TMEM132C: variants seen among roughly 807,000 people sequenced by gnomAD.
TMEM132C encodes the protein transmembrane protein 132C.
In TMEM132C, 29 loss-of-function variants were observed where a neutral mutation model predicts 61.4. The observed-to-expected ratio is 0.47, with a 90% CI of 0.35 to 0.64. TMEM132C has a LOEUF of 0.64. Ranked by LOEUF, TMEM132C falls within the 30% of genes least tolerant of loss-of-function variation. TMEM132C has a pLI of 0.00. For missense variants in TMEM132C, 1,408 were observed against 1,476.9 expected (o/e 0.95, Z 0.76); for synonymous variants, 656 against 633.1 (o/e 1.04, Z -0.54).
intron 1 of TMEM132C, among the ~76,000 whole-genome samples, chr12:128,320,134 GT>G (rs1872283849): frequency 1.3e-5 from 2 of 152,106 alleles, no homozygotes; most frequent in Non-Finnish European, 2.9e-5. Flanking sequence ...TCTGTAGGTG[GT>G]TTTTTTCTAA....
intron 2 of TMEM132C, among the ~76,000 whole-genome samples, chr12:128,457,547 G>A (rs183219232): frequency 0.037 from 5,544 of 150,312 alleles, 339 homozygotes; most frequent in African/African-American, 0.13. Context: ...CTGCACTCCA[G>A]CCTGGGTGAC....
At chr12:128,533,336 G>A (rs1873399493) in intron 2 of TMEM132C, among the ~76,000 whole-genome samples, 1 of 152,168 alleles carries the variant, frequency 6.6e-6, no homozygotes, top group Non-Finnish European at 1.5e-5. Context: ...TGAGGGCCAG[G>A]CCAGGGGTGG....
At chr12:128,477,048 A>T (rs1254322553) in intron 2 of TMEM132C, among the ~76,000 whole-genome samples, 4 of 152,154 alleles carry the variant, frequency 2.6e-5, no homozygotes, top group Admixed American at 2.6e-4. Context: ...GTGACTTGAC[A>T]TATTAGTTAG....
chr12:128,564,873 C>T lies in TMEM132C; in HGVS notation c.1121+20770C>T, dbSNP rs1156873. On this transcript the variant is annotated intron_variant, in intron 3 of 8. Coordinates refer to ENST00000435159, the MANE Select transcript of TMEM132C (RefSeq NM_001136103.3). ...GCTTCTGACATGGTCTCCAGGGATC[C>T]CCCCTTCCTGGTAGTCATGCCTTTA... Among the ~76,000 whole-genome samples, 19 of 152,234 alleles carry T rather than the reference C, an allele frequency of 1.2e-4. No individual in the cohort carries two copies. The South Asian group carries it at 3.5e-3, about 28-fold the overall frequency.
intron 3 of TMEM132C, among the ~76,000 whole-genome samples, chr12:128,577,240 G>T (rs1875145457): frequency 6.6e-6 from 1 of 152,206 alleles, no homozygotes; most frequent in Admixed American, 6.5e-5. Flanking sequence ...TTATTCATAT[G>T]ATAGCATGTA....
At chr12:128,469,995 T>C (rs1490430344) in intron 2 of TMEM132C, among the ~76,000 whole-genome samples, 2 of 152,212 alleles carry the variant, frequency 1.3e-5, no homozygotes, top group Non-Finnish European at 2.9e-5. Flanking sequence ...TGCTTTATGT[T>C]ACAAACTGAT....
At chr12:128,521,667 C>G (rs1267881090) in intron 2 of TMEM132C, among the ~76,000 whole-genome samples, 2 of 152,058 alleles carry the variant, frequency 1.3e-5, no homozygotes, top group African/African-American at 2.4e-5. Flanking sequence ...ATCTACTCTA[C>G]CAGATTACTG....
At chr12:128,420,433 T>A (rs1330022547) in intron 2 of TMEM132C, among the ~76,000 whole-genome samples, 2 of 151,976 alleles carry the variant, frequency 1.3e-5, no homozygotes, top group Non-Finnish European at 2.9e-5. Context: ...AGGAGACAAA[T>A]GTGGCTGAAA....
chr12:128,686,058 T>TGC (rs1555243282), intron 5 of TMEM132C, among the ~76,000 whole-genome samples: 1 of 127,216 alleles, frequency 7.9e-6, no homozygotes, highest in East Asian at 2.4e-4. Context: ...TGTGCATGTG[T>TGC]GTGTGTGCAT....
At chr12:128,547,024 C>CA (rs1873975109) in intron 3 of TMEM132C, among the ~76,000 whole-genome samples, 1 of 152,152 alleles carries the variant, frequency 6.6e-6, no homozygotes, top group Admixed American at 6.5e-5. Flanking sequence ...CCAAGATTCC[C>CA]AGGGCGGGGA....
At chr12:128,689,397 GA>G (rs1405974657) in intron 5 of TMEM132C, among the ~76,000 whole-genome samples, 22 of 152,104 alleles carry the variant, frequency 1.4e-4, no homozygotes, top group African/African-American at 5.3e-4. Context: ...CAAAGAAAAA[GA>G]AAGAAAATGA....
intron 4 of TMEM132C, among the ~76,000 whole-genome samples, chr12:128,642,225 G>A (rs529915843): frequency 2.4e-4 from 36 of 151,720 alleles, no homozygotes; most frequent in African/African-American, 8.5e-4. Flanking sequence ...TCCACCTCTC[G>A]GGTTCAAGTG....
chr12:128,388,424 C>T (rs1456684067), intron 1 of TMEM132C, among the ~76,000 whole-genome samples: 1 of 152,276 alleles, frequency 6.6e-6, no homozygotes, highest in Non-Finnish European at 1.5e-5. Flanking sequence ...ATCTTCCCTC[C>T]CTCTCTTCTT....
Position 128,495,098 on chromosome 12 carries a change from G to A in TMEM132C, c.975-48859G>A, listed in dbSNP as rs1384373521. Among the ~76,000 whole-genome samples, 7 of 144,324 alleles carry A rather than the reference G, an allele frequency of 4.9e-5. 1 individual carries two copies. Among genetic ancestry groups the A allele is most frequent in the Non-Finnish European group, 7.6e-5 (5 of 65,516 alleles). 94.7% of individuals were successfully genotyped at this position (144,324 alleles called of 152,430 possible). ...TTTATTTCTGCCTTCATTTCGTTAT[G>A]TACCCAGTAGTCATTCAGGAGCAGG... On this transcript the variant is annotated intron_variant, in intron 2 of 8. Transcript: ENST00000435159.
rs142778844 is a variant in TMEM132C at position 128,440,438 on chromosome 12, C to T, written c.974+24818C>T. Among the ~76,000 whole-genome samples the T allele has an allele frequency of 5.3e-3, 800 of 152,294 alleles. 7 individuals are homozygous for T. The highest frequency in any genetic ancestry group is 0.018 in the African/African-American group (767 of 41,572). ...GGACCCACCATGCCCAGAGTAATAG[C>T]CAAATCCCTCTGTGGGGACATCTCC... is the stretch of plus-strand genomic sequence containing the variant. On this transcript the variant is annotated intron_variant, in intron 2 of 8. Transcript: ENST00000435159.
chr12:128,706,434 T>G lies in TMEM132C; in HGVS notation c.*139T>G. The G allele has an allele frequency of 8.6e-7, 1 of 1,156,268 alleles. No individual in the cohort carries two copies. The highest frequency in any genetic ancestry group is 3.3e-5 in the Admixed American group (1 of 30,346). 71.6% of individuals were successfully genotyped at this position (1,156,268 alleles called of 1,614,324 possible). On this transcript the variant is annotated 3_prime_UTR_variant, in exon 9 of 9. Transcript: ENST00000435159. ...CTAGACCAGTTGGAAAGTTTTGAAG[T>G]CAGGAAAAGACGTTTTTGTATCAAG... is the stretch of plus-strand genomic sequence containing the variant.
intron 3 of TMEM132C, among the ~76,000 whole-genome samples, chr12:128,614,168 C>T (rs1179967920): frequency 6.6e-6 from 1 of 152,218 alleles, no homozygotes; most frequent in Non-Finnish European, 1.5e-5. Flanking sequence ...TATTGATCAA[C>T]AGCTCTACAA....
chr12:128,498,351 G>T (rs1026125588), intron 2 of TMEM132C, among the ~76,000 whole-genome samples: 1 of 150,498 alleles, frequency 6.6e-6, no homozygotes, highest in Admixed American at 6.7e-5. Flanking sequence ...CTGTCTCTAT[G>T]TGCCAATGAC....
intron 1 of TMEM132C, among the ~76,000 whole-genome samples, chr12:128,279,623 G>A (rs541317044): frequency 2.6e-5 from 4 of 152,248 alleles, no homozygotes; most frequent in South Asian, 2.1e-4. Context: ...GGCTCCCACC[G>A]CAGGGCCTTT....
Sources: gnomAD v4.1 joint callset for allele counts (sites outside exome capture counted in the v4.1 genomes callset) on GRCh38, gnomAD v4.1.1 for gene constraint, MANE v1.5 for transcripts, NCBI Gene and HGNC (gene_info 2026-07-23, HGNC 2026-07-21) for gene names.